The following FRMD4B variants were observed in gnomAD, a reference collection of about 807,000 sequenced individuals.
FRMD4B encodes the protein FERM domain containing 4B, also known as FERM domain-containing protein 4B.
A neutral mutation model predicts 141.5 loss-of-function variants in FRMD4B; 74 were observed. The observed-to-expected ratio is 0.52, with a 90% CI of 0.43 to 0.63. The LOEUF (loss-of-function observed/expected upper bound fraction) is 0.63, where lower values mean the gene tolerates loss of function less well. FRMD4B is among the 30% of genes least tolerant of loss of function. FRMD4B has a pLI of 0.00. For synonymous variants in FRMD4B, 506 were observed against 467.9 expected (o/e 1.08, Z -1.05); for missense variants, 1,366 against 1,253.4 (o/e 1.09, Z -1.36).
intron 1 of FRMD4B, chr3:69,472,669 G>C (rs1705912052): frequency 6.0e-6 from 1 of 165,436 alleles, no homozygotes; most frequent in African/African-American, 2.4e-5. Flanking sequence ...AAGTTAAGGA[G>C]TGTGGACACC....
At chr3:69,531,782 C>T (rs1002706796) in intron 1 of FRMD4B, among the ~76,000 whole-genome samples, 2 of 152,156 alleles carry the variant, frequency 1.3e-5, no homozygotes, top group East Asian at 1.9e-4. Flanking sequence ...AAGCTCAGTG[C>T]TAGAAAGTAC....
At chr3:69,283,826 G>A (rs904443294) in intron 5 of FRMD4B, among the ~76,000 whole-genome samples, 1 of 152,100 alleles carries the variant, frequency 6.6e-6, no homozygotes, top group African/African-American at 2.4e-5. Context: ...AGAAAAGAGG[G>A]CTGTAGTAAA....
chr3:69,426,309 A>C (rs1412987360), intron 2 of FRMD4B, among the ~76,000 whole-genome samples: 3 of 144,972 alleles, frequency 2.1e-5, no homozygotes, highest in Non-Finnish European at 4.5e-5. Context: ...ATTTGAAACA[A>C]ACTTTTAAAA....
intron 1 of FRMD4B, among the ~76,000 whole-genome samples, chr3:69,340,589 T>A (rs1225201644): frequency 1.3e-5 from 2 of 152,198 alleles, no homozygotes; most frequent in Non-Finnish European, 2.9e-5. Flanking sequence ...GCTTAGATGC[T>A]TTGCTAGTGT....
At chr3:69,178,635 G>T (rs116069089) in intron 21 of FRMD4B, among the ~76,000 whole-genome samples, 5,838 of 149,976 alleles carry the variant, frequency 0.039, 185 homozygotes, top group Non-Finnish European at 0.065. Flanking sequence ...TAGTATCACT[G>T]CACTCCAATG....
At chr3:69,372,253 C>A (rs887375092) in intron 1 of FRMD4B, among the ~76,000 whole-genome samples, 29 of 152,220 alleles carry the variant, frequency 1.9e-4, no homozygotes, top group African/African-American at 6.8e-4. Flanking sequence ...AGCTTCATCC[C>A]CAGTGGACTC....
intron 1 of FRMD4B, among the ~76,000 whole-genome samples, chr3:69,454,512 G>C (rs547268288): frequency 3.3e-5 from 5 of 152,288 alleles, no homozygotes; most frequent in Middle Eastern, 6.8e-3. Flanking sequence ...GGGTGGGCTC[G>C]GCAGGCCCTG....
intron 1 of FRMD4B, among the ~76,000 whole-genome samples, chr3:69,361,531 A>G (rs758934315): frequency 6.6e-6 from 1 of 152,172 alleles, no homozygotes; most frequent in Non-Finnish European, 1.5e-5. Flanking sequence ...AACAACCACT[A>G]TTCAGATTTC....
intron 11 of FRMD4B, among the ~76,000 whole-genome samples, chr3:69,205,585 A>C (rs2093016713): frequency 6.6e-6 from 1 of 151,922 alleles, no homozygotes; most frequent in Non-Finnish European, 1.5e-5. Context: ...CCAACCATCA[A>C]CCTCAGGACA....
At chr3:69,489,399 A>C (rs1193561725) in intron 1 of FRMD4B, among the ~76,000 whole-genome samples, 1 of 151,500 alleles carries the variant, frequency 6.6e-6, no homozygotes, top group Non-Finnish European at 1.5e-5. Flanking sequence ...TACATATATA[A>C]ATGAGCCAAT....
intron 10 of FRMD4B, among the ~76,000 whole-genome samples, chr3:69,217,466 C>CA (rs2093152563): frequency 6.6e-6 from 1 of 151,908 alleles, no homozygotes. Context: ...ACTAAAAATA[C>CA]AAAAAATGAG....
At chr3:69,368,368 C>G (rs1400581032) in intron 1 of FRMD4B, among the ~76,000 whole-genome samples, 1 of 152,132 alleles carries the variant, frequency 6.6e-6, no homozygotes, top group African/African-American at 2.4e-5. Flanking sequence ...CTGTTCATCC[C>G]ATTACAACAT....
At chr3:69,407,256 T>C (rs551245114) in intron 2 of FRMD4B, among the ~76,000 whole-genome samples, 2 of 152,290 alleles carry the variant, frequency 1.3e-5, no homozygotes, top group South Asian at 2.1e-4. Flanking sequence ...TAAAAGACAG[T>C]AAGGATTAGC....
chr3:69,257,914 C>T (rs144227900), intron 5 of FRMD4B, among the ~76,000 whole-genome samples: 259 of 152,324 alleles, frequency 1.7e-3, no homozygotes, highest in Middle Eastern at 0.01. Flanking sequence ...GCAGCCTCTG[C>T]CTCCTGGGTT....
At chr3:69,199,459 G>A (rs752231281) in intron 11 of FRMD4B, among the ~76,000 whole-genome samples, 19 of 152,160 alleles carry the variant, frequency 1.2e-4, no homozygotes, top group Non-Finnish European at 2.4e-4. Context: ...TATTCAAAGG[G>A]ATATTTCAAT....
chr3:69,326,040 C>T (rs1702179222), intron 1 of FRMD4B, among the ~76,000 whole-genome samples: 1 of 152,086 alleles, frequency 6.6e-6, no homozygotes, highest in South Asian at 2.1e-4. Flanking sequence ...CTTCAGCCTC[C>T]TGGGCTCACG....
At chr3:69,297,774 G>A (rs1701079506) in intron 4 of FRMD4B, among the ~76,000 whole-genome samples, 3 of 152,180 alleles carry the variant, frequency 2.0e-5, no homozygotes, top group South Asian at 2.1e-4. Context: ...GCCTGGGGAA[G>A]TCCCCCAGAA....
chr3:69,512,593 T>C (rs1474151025), intron 1 of FRMD4B, among the ~76,000 whole-genome samples: 2 of 152,194 alleles, frequency 1.3e-5, no homozygotes, highest in African/African-American at 2.4e-5. Flanking sequence ...TTTTCAAACA[T>C]GGCTTCCAAC....
intron 1 of FRMD4B, among the ~76,000 whole-genome samples, chr3:69,501,999 G>C (rs983016315): frequency 6.6e-6 from 1 of 152,146 alleles, no homozygotes; most frequent in Non-Finnish European, 1.5e-5. Flanking sequence ...TCTTCAGGGA[G>C]AACTACAAAC....
Sources: gnomAD v4.1 joint callset for allele counts (sites outside exome capture counted in the v4.1 genomes callset) on GRCh38, gnomAD v4.1.1 for gene constraint, MANE v1.5 for transcripts, NCBI Gene and HGNC (gene_info 2026-07-23, HGNC 2026-07-21) for gene names.